Variants in SLC35F3 observed in about 807,000 individuals in gnomAD.
The protein encoded by SLC35F3 is solute carrier family 35 member F3.
A neutral mutation model predicts 49.9 loss-of-function variants in SLC35F3; 25 were observed. The observed-to-expected ratio is 0.50, with a 90% CI of 0.37 to 0.70. The LOEUF is 0.70. Among genes scored for constraint, SLC35F3 ranks in the 30% least tolerant of loss-of-function variants. SLC35F3 has a pLI of 0.00. For synonymous variants in SLC35F3, 275 were observed against 265.4 expected, an observed-to-expected ratio of 1.04 and a Z score of -0.35; for missense variants, 525 against 639.8, an observed-to-expected ratio of 0.82 and a Z score of 1.94.
chr1:234,031,691 C>T (rs1053529876), intron 2 of SLC35F3, among the ~76,000 whole-genome samples: 7 of 152,114 alleles, frequency 4.6e-5, no homozygotes, highest in African/African-American at 7.2e-5. Flanking sequence ...ATTACAGGTG[C>T]GAGCCACTGC....
At chr1:234,165,038 TTGTGTGTGTGTGTGTGTGTGTGTGTGTG>T (rs58676109) in intron 2 of SLC35F3, among the ~76,000 whole-genome samples, 1 of 137,804 alleles carries the variant, frequency 7.3e-6, no homozygotes, top group Non-Finnish European at 1.6e-5. Context: ...TAGCTTCAAT[TTGTGTGTGTGTGTGTGTGTGTGTGTGTG>T]TGTGTGTGTG....
intron 2 of SLC35F3, among the ~76,000 whole-genome samples, chr1:234,176,323 G>C (rs1666475226): frequency 6.6e-6 from 1 of 152,190 alleles, no homozygotes; most frequent in African/African-American, 2.4e-5. Context: ...AAAAGAGAAA[G>C]CTGCTCAAAG....
intron 2 of SLC35F3, among the ~76,000 whole-genome samples, chr1:234,008,809 CTG>C (rs1663670040): frequency 6.6e-6 from 1 of 152,206 alleles, no homozygotes; most frequent in African/African-American, 2.4e-5. Context: ...TCTGTCATGA[CTG>C]TTCTTGGTAG....
rs527308572 is a variant in SLC35F3, at chr1:234,283,659, C to A, written c.609-25442C>A. On this transcript the variant is annotated intron_variant, in intron 3 of 7. Transcript: ENST00000366618. ...AAGAAATCATTAAAAGAGGGAGAAT[C>A]CCCCATAACAGAGAATACGGGCCTG... Among the ~76,000 whole-genome samples, 163 of 152,280 alleles carry A rather than the reference C, an allele frequency of 1.1e-3. 1 individual carries two copies. The highest frequency in any genetic ancestry group is 3.9e-3 in the African/African-American group (160 of 41,550).
intron 2 of SLC35F3, among the ~76,000 whole-genome samples, chr1:234,117,747 G>A (rs568761325): frequency 3.3e-5 from 5 of 150,918 alleles, no homozygotes; most frequent in South Asian, 2.1e-4. Context: ...TTAGCCGGGC[G>A]TGGTGGTGGG....
At chr1:234,029,222 G>A (rs932006787) in intron 2 of SLC35F3, among the ~76,000 whole-genome samples, 3 of 152,144 alleles carry the variant, frequency 2.0e-5, no homozygotes, top group African/African-American at 7.2e-5. Context: ...TGGGGTAGAG[G>A]CAACAGAGAG....
chr1:234,022,604 G>A (rs773162906), intron 2 of SLC35F3, among the ~76,000 whole-genome samples: 15 of 152,090 alleles, frequency 9.9e-5, no homozygotes, highest in Non-Finnish European at 1.8e-4. Flanking sequence ...CTCTAGACTG[G>A]TGTTTGACCA....
intron 2 of SLC35F3, among the ~76,000 whole-genome samples, chr1:234,044,116 G>C (rs115517395): frequency 0.014 from 2,103 of 152,272 alleles, 42 homozygotes; most frequent in African/African-American, 0.047. Flanking sequence ...TCACTCTCAA[G>C]AGACTGGAAT....
chr1:233,910,935 T>C (rs6693898), intron 2 of SLC35F3, among the ~76,000 whole-genome samples: 99,322 of 151,972 alleles, frequency 0.65, 32,955 homozygotes, highest in East Asian at 0.93. Context: ...TCCAGCCCGC[T>C]ATTGGCAACG....
chr1:234,048,777 G>A (rs1664331789), intron 2 of SLC35F3, among the ~76,000 whole-genome samples: 1 of 152,236 alleles, frequency 6.6e-6, no homozygotes, highest in Admixed American at 6.5e-5. Context: ...GTAGAGCCCA[G>A]TGGGTTCAGA....
chr1:234,076,355 TAA>T (rs1664791740), intron 2 of SLC35F3, among the ~76,000 whole-genome samples: 1 of 151,744 alleles, frequency 6.6e-6, no homozygotes, highest in Non-Finnish European at 1.5e-5. Flanking sequence ...CCCAACATTT[TAA>T]GAGGCTGAGG....
intron 2 of SLC35F3, among the ~76,000 whole-genome samples, chr1:233,954,714 A>T (rs1662667112): frequency 6.6e-6 from 1 of 152,208 alleles, no homozygotes; most frequent in African/African-American, 2.4e-5. Context: ...TAGGACAGAC[A>T]TGGTACTGTA....
intron 2 of SLC35F3, among the ~76,000 whole-genome samples, chr1:233,944,964 G>A (rs1662490692): frequency 1.3e-5 from 2 of 151,910 alleles, no homozygotes; most frequent in African/African-American, 4.8e-5. Context: ...GCTATTGGTT[G>A]TGCATCCTAG....
chr1:234,203,253 G>A (rs1302375104), intron 2 of SLC35F3, among the ~76,000 whole-genome samples: 1 of 152,168 alleles, frequency 6.6e-6, no homozygotes, highest in Non-Finnish European at 1.5e-5. Flanking sequence ...ACTTAAAAGA[G>A]TTTTACATTT....
At chr1:234,154,142 G>A (rs575643604) in intron 2 of SLC35F3, among the ~76,000 whole-genome samples, 131 of 152,248 alleles carry the variant, frequency 8.6e-4, no homozygotes, top group South Asian at 5.8e-3. Flanking sequence ...AGGCTGAGGT[G>A]GGAGAAGTAA....
At chr1:233,999,665 T>C (rs1360699230) in intron 2 of SLC35F3, among the ~76,000 whole-genome samples, 1 of 152,130 alleles carries the variant, frequency 6.6e-6, no homozygotes, top group Non-Finnish European at 1.5e-5. Context: ...TATCCCCCAG[T>C]GTCAGTCAAA....
intron 2 of SLC35F3, among the ~76,000 whole-genome samples, chr1:234,129,706 G>C (rs1217570380): frequency 3.3e-5 from 5 of 152,188 alleles, no homozygotes; most frequent in African/African-American, 9.6e-5. Context: ...TGTAGTATTG[G>C]TGTTAGGATA....
At chr1:234,065,340 G>A (rs927303534) in intron 2 of SLC35F3, among the ~76,000 whole-genome samples, 5 of 152,164 alleles carry the variant, frequency 3.3e-5, no homozygotes, top group African/African-American at 1.2e-4. Flanking sequence ...GTAGAAACGC[G>A]GTTTCACCGT....
At chr1:234,199,562 G>A (rs1310229623) in intron 2 of SLC35F3, among the ~76,000 whole-genome samples, 1 of 152,194 alleles carries the variant, frequency 6.6e-6, no homozygotes, top group Non-Finnish European at 1.5e-5. Context: ...ATAGGAGAAA[G>A]ACTTTGTGAC....
Sources: gnomAD v4.1 joint callset for allele counts (sites outside exome capture counted in the v4.1 genomes callset) on GRCh38, gnomAD v4.1.1 for gene constraint, MANE v1.5 for transcripts, NCBI Gene and HGNC (gene_info 2026-07-23, HGNC 2026-07-21) for gene names.